TRAPPC9: variants seen among roughly 807,000 people sequenced by gnomAD.
The protein encoded by TRAPPC9 is IKK2 binding protein.
Under a neutral mutation model 124.0 loss-of-function variants are expected in TRAPPC9, and 83 were observed. The observed-to-expected ratio is 0.67, with a 90% confidence interval of 0.56 to 0.80. TRAPPC9 has a LOEUF of 0.80. Ranked by LOEUF, TRAPPC9 falls within the 30% of genes least tolerant of loss-of-function variation. The pLI, the probability that TRAPPC9 is intolerant of heterozygous loss-of-function variation, is 0.00. For synonymous variants in TRAPPC9, 638 were observed against 617.5 expected (o/e 1.03, Z -0.49); for missense variants, 1,302 against 1,508.3 (o/e 0.86, Z 2.27).
At chr8:139,770,505 G>A (rs530467168) in intron 21 of TRAPPC9, among the ~76,000 whole-genome samples, 2 of 152,356 alleles carry the variant, frequency 1.3e-5, no homozygotes, top group East Asian at 3.9e-4. Flanking sequence ...TTGGCGAGAT[G>A]GGCCTGGGTC....
chr8:140,458,290 A>AG, upstream of TRAPPC9: 1 of 1,556,634 alleles, frequency 6.4e-7, no homozygotes, highest in Non-Finnish European at 8.7e-7. Flanking sequence ...CCAGTCCTTC[A>AG]GGGCGCGCAG....
At chr8:140,233,591 G>A (rs543499620) in intron 16 of TRAPPC9, among the ~76,000 whole-genome samples, 178 of 80,244 alleles carry the variant, frequency 2.2e-3, no homozygotes, top group Non-Finnish European at 3.7e-3. Context: ...TCTCTCTCTC[G>A]CTCTCTCCCT....
intron 1 of TRAPPC9, among the ~76,000 whole-genome samples, chr8:140,452,721 G>T (rs2071511483): frequency 6.6e-6 from 1 of 152,154 alleles, no homozygotes; most frequent in South Asian, 2.1e-4. Context: ...CATGTTTGTT[G>T]AAGGGATTAG....
At chr8:139,763,609 AACAC>A (rs10543406) in intron 21 of TRAPPC9, among the ~76,000 whole-genome samples, 21,190 of 151,182 alleles carry the variant, frequency 0.14, 1,553 homozygotes, top group Middle Eastern at 0.2. Flanking sequence ...CATGCACATA[AACAC>A]ACACACACAC....
At chr8:140,268,140 TTAAAAA>T (rs2064747172) in intron 15 of TRAPPC9, among the ~76,000 whole-genome samples, 1 of 98,146 alleles carries the variant, frequency 1.0e-5, no homozygotes, top group South Asian at 2.7e-4. Flanking sequence ...TAAGGATAAC[TTAAAAA>T]TAAAAATCAA....
At chr8:139,815,226 C>T (rs996097201) in intron 21 of TRAPPC9, among the ~76,000 whole-genome samples, 33 of 152,188 alleles carry the variant, frequency 2.2e-4, no homozygotes, top group Admixed American at 1.7e-3. Flanking sequence ...CCCATCACTC[C>T]CAGCTCCCTG....
intron 18 of TRAPPC9, among the ~76,000 whole-genome samples, chr8:140,019,230 T>C (rs1839669625): frequency 6.6e-6 from 1 of 150,498 alleles, no homozygotes; most frequent in African/African-American, 2.5e-5. Flanking sequence ...ATATTTCACA[T>C]GTATATACAT....
chr8:139,791,114 A>G (rs1189112126), intron 21 of TRAPPC9, among the ~76,000 whole-genome samples: 1 of 152,174 alleles, frequency 6.6e-6, no homozygotes, highest in African/African-American at 2.4e-5. Context: ...GCAATGAAGG[A>G]AGGCACGGGG....
intron 18 of TRAPPC9, among the ~76,000 whole-genome samples, chr8:140,002,938 CT>C (rs2131807505): frequency 7.1e-6 from 1 of 140,396 alleles, no homozygotes; most frequent in Non-Finnish European, 1.6e-5. Flanking sequence ...CAAAACAAAA[CT>C]GTACAATTTT....
chr8:140,141,052 CA>C (rs2061374638), intron 17 of TRAPPC9, among the ~76,000 whole-genome samples: 1 of 152,182 alleles, frequency 6.6e-6, no homozygotes, highest in Non-Finnish European at 1.5e-5. Flanking sequence ...TAACTATAAG[CA>C]ACTTGTGGGC....
chr8:140,222,365 C>T (rs1486725378), intron 16 of TRAPPC9, among the ~76,000 whole-genome samples: 1 of 152,218 alleles, frequency 6.6e-6, no homozygotes, highest in African/African-American at 2.4e-5. Flanking sequence ...TCTTTAAGTC[C>T]TCTCTGCATC....
chr8:140,144,182 T>C (rs1427429441), intron 17 of TRAPPC9, among the ~76,000 whole-genome samples: 1 of 152,248 alleles, frequency 6.6e-6, no homozygotes, highest in Non-Finnish European at 1.5e-5. Flanking sequence ...CTTCTTCTAG[T>C]ATATGAATTC....
At chr8:140,415,291 C>T (rs2069879353) in intron 5 of TRAPPC9, among the ~76,000 whole-genome samples, 1 of 151,986 alleles carries the variant, frequency 6.6e-6, no homozygotes, top group South Asian at 2.1e-4. Flanking sequence ...CAGTGGCTCA[C>T]ACCTATAATC....
chr8:140,289,132 ATG>A (rs1216890132), intron 12 of TRAPPC9, among the ~76,000 whole-genome samples: 1 of 151,938 alleles, frequency 6.6e-6, no homozygotes, highest in Non-Finnish European at 1.5e-5. Flanking sequence ...GGGTATACAC[ATG>A]TGTACATATA....
In TRAPPC9 at chr8:140,252,094, G is replaced by A. The variant is rs1185983610; in HGVS notation, c.2431+683C>T. Among the ~76,000 whole-genome samples, 2 of 151,108 alleles carry A rather than the reference G, an allele frequency of 1.3e-5. No homozygotes were observed. The highest frequency in any genetic ancestry group is 2.9e-5 in the Non-Finnish European group (2 of 67,868). The stretch of plus-strand genomic sequence containing the variant: ...GGCTGGAGTGCAGTGGCGTGATCTC[G>A]ACTCACTGCAACCTCCGCCTCCCAG... On this transcript the variant is annotated intron_variant, in intron 16 of 22. Transcript: ENST00000438773. The surrounding 1 kb of genome is among the most constrained non-coding windows in gnomAD (Gnocchi z 4.2).
intron 19 of TRAPPC9, among the ~76,000 whole-genome samples, chr8:139,948,213 C>G (rs1356994829): frequency 6.6e-6 from 1 of 150,880 alleles, no homozygotes; most frequent in African/African-American, 2.4e-5. Context: ...AACGAAGAGC[C>G]CTCCTTACAC....
At position 140,450,798 on chromosome 8, in the gene TRAPPC9, T is replaced by G. The variant is rs1240643262; in HGVS notation, c.576A>C (p.Thr192=). Residue 192 remains threonine (T), a synonymous_variant, in exon 2 of 23, where the codon ACA becomes ACC. Coordinates refer to ENST00000438773, the MANE Select transcript of TRAPPC9 (RefSeq NM_001160372.4). ...FEKKDFVGLD[T]DSRHYKKRCQ... ...TCTCTAGGTAAGCTTACCTGCTGTC[T>G]GTGTCCAGTCCTACAAAGTCCTTTT... 1 of 1,607,328 alleles carries G rather than the reference T, an allele frequency of 6.2e-7. No homozygotes were observed. Among genetic ancestry groups the G allele is most frequent in the Non-Finnish European group, 8.5e-7 (1 of 1,176,512 alleles).
At chr8:140,299,617 C>T (rs1286259540) in intron 11 of TRAPPC9, among the ~76,000 whole-genome samples, 1 of 152,236 alleles carries the variant, frequency 6.6e-6, no homozygotes, top group African/African-American at 2.4e-5. Flanking sequence ...TGGGCTCAGC[C>T]GGCAGTGGTC....
intron 15 of TRAPPC9, among the ~76,000 whole-genome samples, chr8:140,272,026 C>T (rs1563903061): frequency 7.1e-6 from 1 of 141,608 alleles, no homozygotes; most frequent in Non-Finnish European, 1.5e-5. Context: ...GTGATGGTGG[C>T]AGTGGTAATG....
Sources: allele counts gnomAD v4.1 joint callset (sites outside exome capture counted in the v4.1 genomes callset), GRCh38; gene constraint gnomAD v4.1.1; non-coding constraint Gnocchi (gnomAD v3.1); transcripts MANE v1.5; gene names NCBI Gene and HGNC (gene_info 2026-07-23, HGNC 2026-07-21).